Variants in PABPC4L observed in about 807,000 individuals in gnomAD.
PABPC4L encodes the protein polyadenylate-binding protein 4-like.
For synonymous variants in PABPC4L, 169 were observed against 164.1 expected, an observed-to-expected ratio of 1.03 and a Z score of -0.23; for missense variants, 452 against 451.4, an observed-to-expected ratio of 1.00 and a Z score of -0.01.
At chr4:133,980,641 G>A in the PABPC4L span, among the ~76,000 whole-genome samples, 1,218 of 152,034 alleles carry the variant, frequency 8.0e-3, 21 homozygotes, top group African/African-American at 0.028. Flanking sequence ...ATCGAAATGC[G>A]CCAAGAGAAT....
At chr4:134,101,491 T>C in the PABPC4L span, among the ~76,000 whole-genome samples, 4 of 151,444 alleles carry the variant, frequency 2.6e-5, no homozygotes, top group Non-Finnish European at 4.4e-5. Flanking sequence ...TTGGATTAAT[T>C]TGAAGTTGTC....
rs1303510465 is a variant in PABPC4L, at chr4:134,200,953, C to T, written c.67G>A (p.Glu23Lys). 6.4e-7 allele frequency: 1 copy of T among 1,556,298 alleles called. No individual in the cohort carries two copies. The highest frequency in any genetic ancestry group is 8.7e-7 in the Non-Finnish European group (1 of 1,149,690). The change falls in exon 2 of 2, where the codon GAG (glutamate) becomes AAG (lysine). Residue 23 changes from glutamate to lysine, a missense_variant. Coordinates refer to ENST00000421491, the MANE Select transcript of PABPC4L (RefSeq NM_001114734.2). ...CTGAACTTCCTGAACAGCAGGTCCTCGGTGACATCTGCATGTAAGTCACCC... is the reference window on the plus strand; with the variant it reads ...CTGAACTTCCTGAACAGCAGGTCCTTGGTGACATCTGCATGTAAGTCACCC... Reference protein sequence around the residue: ...YVGDLHADVTEDLLFRKFSTV... With the variant: ...YVGDLHADVTKDLLFRKFSTV...
At chr4:134,101,959 T>G in the PABPC4L span, among the ~76,000 whole-genome samples, 912 of 151,664 alleles carry the variant, frequency 6.0e-3, 12 homozygotes, top group African/African-American at 0.021. Context: ...CCAGACTAGC[T>G]TTGTCTCATT....
At chr4:134,191,373 A>G (rs1420259580), downstream of PABPC4L, among the ~76,000 whole-genome samples, 3 of 152,152 alleles carry the variant, frequency 2.0e-5, no homozygotes, top group African/African-American at 7.2e-5. Flanking sequence ...ACTCCAGCCA[A>G]TAACAGCAGA....
At chr4:134,013,616 T>G in the PABPC4L span, among the ~76,000 whole-genome samples, 3 of 152,102 alleles carry the variant, frequency 2.0e-5, no homozygotes, top group African/African-American at 7.2e-5. Context: ...AAGATCTAAA[T>G]AATTCTTGTC....
At chr4:133,974,703 G>T in the PABPC4L span, among the ~76,000 whole-genome samples, 1 of 151,974 alleles carries the variant, frequency 6.6e-6, no homozygotes, top group Non-Finnish European at 1.5e-5. Context: ...ATTAAAAAGG[G>T]TCAAGTAATT....
At chr4:134,065,942 G>A in the PABPC4L span, among the ~76,000 whole-genome samples, 74 of 152,102 alleles carry the variant, frequency 4.9e-4, no homozygotes, top group African/African-American at 1.4e-3. Flanking sequence ...CATTACTTCC[G>A]GGATGTCTAC....
At chr4:133,983,846 C>G in the PABPC4L span, among the ~76,000 whole-genome samples, 1 of 151,598 alleles carries the variant, frequency 6.6e-6, no homozygotes, top group Non-Finnish European at 1.5e-5. Context: ...TCTGAATTCC[C>G]CTAAAAACAA....
chr4:134,009,081 A>T, the PABPC4L span, among the ~76,000 whole-genome samples: 1 of 151,888 alleles, frequency 6.6e-6, no homozygotes, highest in Non-Finnish European at 1.5e-5. Context: ...TAATGAGATT[A>T]TATGTACTTG....
chr4:134,169,229 A>C, the PABPC4L span, among the ~76,000 whole-genome samples: 1 of 152,096 alleles, frequency 6.6e-6, no homozygotes, highest in Non-Finnish European at 1.5e-5. Flanking sequence ...GATGCTGATA[A>C]AACTTTTGAT....
chr4:134,035,065 CT>C, the PABPC4L span, among the ~76,000 whole-genome samples: 1 of 151,980 alleles, frequency 6.6e-6, no homozygotes, highest in Non-Finnish European at 1.5e-5. Context: ...GCAACCACCA[CT>C]CTCATCAGTC....
chr4:134,163,721 C>T, the PABPC4L span, among the ~76,000 whole-genome samples: 1 of 152,070 alleles, frequency 6.6e-6, no homozygotes, highest in Non-Finnish European at 1.5e-5. Context: ...ATTCATCACA[C>T]AAATAGAATT....
chr4:133,997,362 T>C, the PABPC4L span, among the ~76,000 whole-genome samples: 426 of 152,182 alleles, frequency 2.8e-3, 6 homozygotes, highest in Non-Finnish European at 1.1e-3. Flanking sequence ...ATATTACCTC[T>C]CATTTACAAT....
the PABPC4L span, among the ~76,000 whole-genome samples, chr4:134,023,450 T>C: frequency 2.0e-5 from 3 of 152,262 alleles, no homozygotes; most frequent in Middle Eastern, 3.4e-3. Flanking sequence ...CAGTTCCTGA[T>C]CTGGAAAAGT....
the PABPC4L span, among the ~76,000 whole-genome samples, chr4:134,071,212 G>A: frequency 6.6e-6 from 1 of 152,128 alleles, no homozygotes; most frequent in Non-Finnish European, 1.5e-5. Context: ...AAGTCCCTGT[G>A]TGCAGTAGTG....
At chr4:134,122,972 A>G in the PABPC4L span, among the ~76,000 whole-genome samples, 1 of 151,972 alleles carries the variant, frequency 6.6e-6, no homozygotes, top group Admixed American at 6.6e-5. Flanking sequence ...AGGAATACAG[A>G]CAATTCTCAT....
At chr4:134,104,837 C>T in the PABPC4L span, among the ~76,000 whole-genome samples, 1 of 151,694 alleles carries the variant, frequency 6.6e-6, no homozygotes, top group African/African-American at 2.4e-5. Context: ...ACCTACTGCA[C>T]AATTATCTAC....
At chr4:134,107,038 T>C in the PABPC4L span, among the ~76,000 whole-genome samples, 12 of 151,482 alleles carry the variant, frequency 7.9e-5, no homozygotes, top group African/African-American at 1.9e-4. Flanking sequence ...ATTTAAATAA[T>C]AATAATATAT....
chr4:134,177,760 G>A, the PABPC4L span, among the ~76,000 whole-genome samples: 2 of 152,022 alleles, frequency 1.3e-5, no homozygotes, highest in East Asian at 3.9e-4. Context: ...AGGTAACCAG[G>A]TAGGCAGGCC....
Sources: gnomAD v4.1 joint callset for allele counts (sites outside exome capture counted in the v4.1 genomes callset) on GRCh38, gnomAD v4.1.1 for gene constraint, MANE v1.5 for transcripts, NCBI Gene and HGNC (gene_info 2026-07-23, HGNC 2026-07-21) for gene names.